The following ATF2 variants were observed in gnomAD, a reference collection of about 807,000 sequenced individuals.
ATF2 encodes the protein activating transcription factor 2, also known as cyclic AMP-dependent transcription factor ATF-2.
ATF2 carries 24 observed loss-of-function variants against 60.6 expected under a neutral mutation model. The ratio of observed to expected loss-of-function variants is 0.40; its 90% CI spans 0.29 to 0.56. ATF2 has a LOEUF of 0.56. ATF2 is among the 20% of genes least tolerant of loss of function. The probability of loss-of-function intolerance (pLI) is 0.54; values close to 1 mark genes in which losing one functional copy is unlikely to be tolerated. For synonymous variants in ATF2, 206 were observed against 215.4 expected, an observed-to-expected ratio of 0.96 and a Z score of 0.38; for missense variants, 433 against 607.7, an observed-to-expected ratio of 0.71 and a Z score of 3.02.
At chr2:175,106,753 G>A (rs575878297) in intron 10 of ATF2, among the ~76,000 whole-genome samples, 8 of 152,108 alleles carry the variant, frequency 5.3e-5, no homozygotes, top group East Asian at 3.9e-4. Flanking sequence ...GGAAAACTGC[G>A]TGAACCCTGG....
intron 1 of ATF2, among the ~76,000 whole-genome samples, chr2:175,157,462 C>T (rs1699756854): frequency 6.6e-6 from 1 of 152,098 alleles, no homozygotes; most frequent in Admixed American, 6.5e-5. Context: ...AAACTGAGGC[C>T]ATCTCTACAG....
At chr2:175,097,306 A>T (rs1694995717) in intron 11 of ATF2, 138 bp downstream of exon 11, 2 of 1,221,860 alleles carry the variant, frequency 1.6e-6, no homozygotes, top group Admixed American at 4.9e-5. Context: ...ATACTGAGCT[A>T]CCTTTTCCTG....
chr2:175,108,047 GC>G (rs1465064324), intron 10 of ATF2, among the ~76,000 whole-genome samples: 9 of 152,020 alleles, frequency 5.9e-5, no homozygotes, highest in Non-Finnish European at 1.2e-4. Flanking sequence ...GATGTGAGGA[GC>G]CCCTCTGCCC....
At chr2:175,085,337 C>A (rs1694075741) in intron 12 of ATF2, among the ~76,000 whole-genome samples, 1 of 151,932 alleles carries the variant, frequency 6.6e-6, no homozygotes, top group Non-Finnish European at 1.5e-5. Flanking sequence ...GAGTTTAAGA[C>A]CAGCCTGGCC....
Position 175,142,036 on chromosome 2 carries a change from A to G in ATF2, c.-43-5550T>C, listed in dbSNP as rs542482628. 1.4e-3 allele frequency among the ~76,000 whole-genome samples: 210 copies of G among 152,178 alleles called. 5 individuals carry two copies. The South Asian group carries it at 0.042, about 30-fold the overall frequency. ...CCCTGAAAATTCTAAAAAAGAAAAG[A>G]AAAAAACCTACAAAATATATTGAGG... On this transcript the variant is annotated intron_variant, in intron 2 of 13. Transcript: ENST00000264110.
Position 175,096,631 on chromosome 2 carries a change from T to C in ATF2, c.978+813A>G, listed in dbSNP as rs1574352888. Among the ~76,000 whole-genome samples the C allele has an allele frequency of 2.0e-5, 3 of 152,198 alleles. No individual in the cohort carries two copies. The East Asian group carries it at 5.8e-4, about 29-fold the overall frequency. On this transcript the variant is annotated intron_variant, in intron 11 of 13. Transcript: ENST00000264110. ...CCTCTTTGGGACATACACACTTTAATGGTTGTAGATGGCAACACAATACTG... is the reference window on the plus strand; with the variant it reads ...CCTCTTTGGGACATACACACTTTAACGGTTGTAGATGGCAACACAATACTG...
intron 2 of ATF2, among the ~76,000 whole-genome samples, chr2:175,139,663 C>CA (rs201481065): frequency 0.17 from 13,475 of 79,666 alleles, 717 homozygotes; most frequent in Middle Eastern, 0.29. Context: ...GACTCCATCT[C>CA]AAAAAAAAAA....
chr2:175,153,009 A>G (rs1699412234), intron 1 of ATF2, among the ~76,000 whole-genome samples: 1 of 152,178 alleles, frequency 6.6e-6, no homozygotes, highest in Non-Finnish European at 1.5e-5. Context: ...TTCAGCAGTT[A>G]CTCACAAAAG....
At chr2:175,106,877 A>G (rs1176922174) in intron 10 of ATF2, among the ~76,000 whole-genome samples, 1 of 152,026 alleles carries the variant, frequency 6.6e-6, no homozygotes, top group Admixed American at 6.6e-5. Flanking sequence ...AATAAAAACA[A>G]TTGGCCCGGT....
chr2:175,103,538 T>C (rs906084490), intron 10 of ATF2, among the ~76,000 whole-genome samples: 1 of 152,164 alleles, frequency 6.6e-6, no homozygotes, highest in Non-Finnish European at 1.5e-5. Flanking sequence ...TGAGGTTCCA[T>C]GCAGGGCCCA....
At chr2:175,076,037 GA>G (rs1165501294) in intron 13 of ATF2, among the ~76,000 whole-genome samples, 2 of 152,098 alleles carry the variant, frequency 1.3e-5, no homozygotes, top group Admixed American at 6.6e-5. Context: ...TGCCCATTCT[GA>G]AAGTCAATTA....
At chr2:175,131,933 C>T (rs899371951) in intron 3 of ATF2, among the ~76,000 whole-genome samples, 11 of 152,118 alleles carry the variant, frequency 7.2e-5, no homozygotes, top group Non-Finnish European at 1.5e-4. Context: ...CATGTTAACA[C>T]ATATTTTTTA....
intron 3 of ATF2, among the ~76,000 whole-genome samples, chr2:175,131,920 CT>C (rs1697757351): frequency 6.6e-6 from 1 of 152,168 alleles, no homozygotes; most frequent in Admixed American, 6.5e-5. Context: ...AATGAACTCA[CT>C]GCATGTTAAC....
intron 1 of ATF2, among the ~76,000 whole-genome samples, chr2:175,151,643 T>C (rs1699321336): frequency 6.6e-6 from 1 of 152,150 alleles, no homozygotes; most frequent in African/African-American, 2.4e-5. Context: ...TATATGTGTA[T>C]CAGTTAGGAT....
At chr2:175,119,312 C>G (rs1378400081) in intron 5 of ATF2, among the ~76,000 whole-genome samples, 1 of 151,550 alleles carries the variant, frequency 6.6e-6, no homozygotes, top group Non-Finnish European at 1.5e-5. Flanking sequence ...CAGGCTATAG[C>G]AGGGATCTAG....
intron 11 of ATF2, 30 bp from the exon 12 acceptor site, chr2:175,093,297 T>C (rs1236258002): frequency 3.8e-6 from 6 of 1,595,612 alleles, no homozygotes; most frequent in Admixed American, 1.7e-5. Flanking sequence ...AAGCCTGTTA[T>C]ATTTGTATCT....
intron 12 of ATF2, among the ~76,000 whole-genome samples, chr2:175,091,578 GA>G (rs1389974936): frequency 1.3e-5 from 2 of 152,130 alleles, no homozygotes; most frequent in Non-Finnish European, 2.9e-5. Flanking sequence ...TTTATCAGAT[GA>G]TGGGCTGGGC....
chr2:175,074,553 A>G lies in ATF2; in HGVS notation c.*56T>C. On this transcript the variant is annotated 3_prime_UTR_variant, in exon 14 of 14. Coordinates refer to ENST00000264110, the MANE Select transcript of ATF2 (RefSeq NM_001880.4). ...ATAAATGGAAACTGGTCTTTCCTTG[A>G]TTTCCCTTTGAAGTCACTAATGAGT... 2.6e-6 allele frequency: 4 copies of G among 1,519,374 alleles called. No homozygotes were observed. Among genetic ancestry groups the G allele is most frequent in the Non-Finnish European group, 2.7e-6 (3 of 1,127,958 alleles). The allele number at this position is 1,519,374 out of a possible 1,614,324, so 94.1% of individuals were successfully genotyped here.
intron 3 of ATF2, among the ~76,000 whole-genome samples, chr2:175,130,823 A>G (rs1697675704): frequency 6.6e-6 from 1 of 152,178 alleles, no homozygotes; most frequent in Non-Finnish European, 1.5e-5. Context: ...TAGTATTAAC[A>G]TAACAAAATC....
Sources: allele counts gnomAD v4.1 joint callset (sites outside exome capture counted in the v4.1 genomes callset), GRCh38; gene constraint gnomAD v4.1.1; transcripts MANE v1.5; gene names NCBI Gene and HGNC (gene_info 2026-07-23, HGNC 2026-07-21).